Variants in ZBTB46 observed in about 807,000 individuals in gnomAD.
ZBTB46 encodes the protein zinc finger and BTB domain containing 46.
ZBTB46 carries 8 observed loss-of-function variants against 44.1 expected under a neutral mutation model. The ratio of observed to expected loss-of-function variants is 0.18; its 90% CI spans 0.11 to 0.33. The LOEUF is 0.33. Among genes scored for constraint, ZBTB46 ranks in the 10% least tolerant of loss-of-function variants. ZBTB46 has a pLI of 1.00. For missense variants in ZBTB46, 651 were observed against 847.7 expected, an observed-to-expected ratio of 0.77 and a Z score of 2.88; for synonymous variants, 409 against 382.3, an observed-to-expected ratio of 1.07 and a Z score of -0.81.
intron 1 of ZBTB46, among the ~76,000 whole-genome samples, chr20:63,819,266 A>T: frequency 6.6e-6 from 1 of 152,184 alleles, no homozygotes; most frequent in Non-Finnish European, 1.5e-5. Flanking sequence ...GTACAAAATG[A>T]GGTTGTTATC....
chr20:63,805,129 C>CCGG (rs2092673297), intron 1 of ZBTB46, among the ~76,000 whole-genome samples: 2 of 151,924 alleles, frequency 1.3e-5, no homozygotes, highest in Non-Finnish European at 2.9e-5. Context: ...CCACGTTGGC[C>CCGG]AGGATGGTCT....
chr20:63,756,807 T>A (rs2092224508), intron 3 of ZBTB46, among the ~76,000 whole-genome samples: 1 of 152,214 alleles, frequency 6.6e-6, no homozygotes, highest in Non-Finnish European at 1.5e-5. Context: ...CTTCACTAGA[T>A]GTGGCCCGCA....
chr20:63,804,969 G>A (rs531762908), intron 1 of ZBTB46, among the ~76,000 whole-genome samples: 1 of 148,068 alleles, frequency 6.8e-6, no homozygotes, highest in South Asian at 2.2e-4. Context: ...TTGCCAGGTT[G>A]GAGTGCAGTG....
chr20:63,773,880 C>T (rs925517157), intron 3 of ZBTB46, among the ~76,000 whole-genome samples: 4 of 152,204 alleles, frequency 2.6e-5, no homozygotes, highest in African/African-American at 4.8e-5. Context: ...GCCCCAGTAC[C>T]CCGGGGTTTG....
intron 1 of ZBTB46, among the ~76,000 whole-genome samples, chr20:63,814,000 C>T (rs770771606): frequency 5.9e-5 from 9 of 152,038 alleles, no homozygotes; most frequent in African/African-American, 9.7e-5. Context: ...TTTGGGAGAC[C>T]GAGGCGGGTG....
At chr20:63,773,331 C>T (rs941123163) in intron 3 of ZBTB46, among the ~76,000 whole-genome samples, 3 of 151,440 alleles carry the variant, frequency 2.0e-5, no homozygotes, top group African/African-American at 7.3e-5. Context: ...TGGGCTCAAG[C>T]GATCCTCCCA....
intron 1 of ZBTB46, among the ~76,000 whole-genome samples, chr20:63,791,727 G>A (rs931862658): frequency 6.6e-6 from 1 of 152,136 alleles, no homozygotes; most frequent in Non-Finnish European, 1.5e-5. Flanking sequence ...TCTGAGACAC[G>A]ACTGGTCTCT....
chr20:63,816,232 C>A, intron 1 of ZBTB46: 1 of 227,218 alleles, frequency 4.4e-6, no homozygotes, highest in South Asian at 4.3e-5. Context: ...GAGGAGGGCC[C>A]GAGTCCTGCT....
rs754342253 is a variant in ZBTB46 at position 63,790,509 on chromosome 20, G to A, written c.249C>T (p.Phe83=). ...AGTACATGAAGTCGATGATGGCCTT[G>A]AAGCCCTGGGCCGTGACGATGTCCA... The part of the protein sequence containing the change: ...THLDIVTAQG[F]KAIIDFMYSA... The change falls in exon 2 of 5, where the codon TTC becomes TTT. Residue 83 remains phenylalanine (F), a synonymous_variant. Coordinates refer to ENST00000245663, the MANE Select transcript of ZBTB46 (RefSeq NM_001369741.1). 1 of 1,613,028 alleles carries A rather than the reference G, an allele frequency of 6.2e-7. No homozygotes were observed. The highest frequency in any genetic ancestry group is 1.1e-5 in the South Asian group (1 of 91,082).
At chr20:63,833,483 C>G (rs1324059961), upstream of ZBTB46, among the ~76,000 whole-genome samples, 1 of 152,058 alleles carries the variant, frequency 6.6e-6, no homozygotes, top group Non-Finnish European at 1.5e-5. Flanking sequence ...CCCAGCTACT[C>G]GGGAGGCTGA....
intron 3 of ZBTB46, among the ~76,000 whole-genome samples, chr20:63,755,530 G>A (rs1055644871): frequency 2.0e-5 from 3 of 152,182 alleles, no homozygotes; most frequent in African/African-American, 2.4e-5. Flanking sequence ...CAATGCAGGA[G>A]GACCTCATTT....
At chr20:63,830,813 A>T (rs1288774320) in intron 1 of ZBTB46, among the ~76,000 whole-genome samples, 1 of 139,906 alleles carries the variant, frequency 7.1e-6, no homozygotes, top group African/African-American at 2.6e-5. Context: ...CCCCGCGGGG[A>T]ACCCGCGCCG....
intron 3 of ZBTB46, among the ~76,000 whole-genome samples, chr20:63,774,018 G>A (rs1302105585): frequency 8.2e-6 from 1 of 121,306 alleles, no homozygotes; most frequent in Non-Finnish European, 1.6e-5. Flanking sequence ...ACGCTATTTT[G>A]TTTGAATTCA....
chr20:63,757,209 C>T (rs935385172), intron 3 of ZBTB46, among the ~76,000 whole-genome samples: 3 of 152,242 alleles, frequency 2.0e-5, no homozygotes, highest in East Asian at 1.9e-4. Context: ...CTGCAACCTC[C>T]GCCTCTGGGT....
chr20:63,799,898 A>G (rs1195307811), intron 1 of ZBTB46, among the ~76,000 whole-genome samples: 1 of 152,172 alleles, frequency 6.6e-6, no homozygotes, highest in African/African-American at 2.4e-5. Flanking sequence ...TGTGGAAAAC[A>G]GTTCAGCAAA....
chr20:63,799,997 C>T (rs1354634565), intron 1 of ZBTB46, among the ~76,000 whole-genome samples: 3 of 152,174 alleles, frequency 2.0e-5, no homozygotes, highest in Non-Finnish European at 4.4e-5. Flanking sequence ...ACGTTCACAC[C>T]AGCTTCGCTC....
In ZBTB46 at chr20:63,767,392, C is replaced by A. The variant is rs1346415172; in HGVS notation, c.1222+8286G>T. Among the ~76,000 whole-genome samples, 1 of 152,150 alleles carries A rather than the reference C, an allele frequency of 6.6e-6. No individual in the cohort carries two copies. The highest frequency in any genetic ancestry group is 1.5e-5 in the Non-Finnish European group (1 of 68,028). On this transcript the variant is annotated intron_variant, in intron 3 of 4. Coordinates refer to ENST00000245663, the MANE Select transcript of ZBTB46 (RefSeq NM_001369741.1). The surrounding 1 kb of genome is among the most constrained non-coding windows in gnomAD (Gnocchi z 5.0). ...TGCCCACCGGCTGGGCATGGAGATG[C>A]CTTCACCTGGCAGCAGCCGGCAGAG...
intron 3 of ZBTB46, among the ~76,000 whole-genome samples, chr20:63,763,491 G>A (rs77114405): frequency 0.021 from 3,200 of 152,256 alleles, 104 homozygotes; most frequent in African/African-American, 0.073. Flanking sequence ...AAGAGGGAGC[G>A]AGCGTTTCAC....
At chr20:63,780,663 G>A (rs1045870735) in intron 2 of ZBTB46, among the ~76,000 whole-genome samples, 8 of 151,676 alleles carry the variant, frequency 5.3e-5, no homozygotes, top group East Asian at 3.9e-4. Flanking sequence ...TGAGCCGGGC[G>A]TGGTGGCGGG....
Sources: allele counts gnomAD v4.1 joint callset (sites outside exome capture counted in the v4.1 genomes callset), GRCh38; gene constraint gnomAD v4.1.1; non-coding constraint Gnocchi (gnomAD v3.1); transcripts MANE v1.5; gene names NCBI Gene and HGNC (gene_info 2026-07-23, HGNC 2026-07-21).